The following TEAD1 variants were observed in gnomAD, a reference collection of about 807,000 sequenced individuals.
TEAD1 encodes transcriptional enhancer factor TEF-1.
TEAD1 carries 9 observed loss-of-function variants against 54.9 expected under a neutral mutation model. The observed-to-expected ratio is 0.16, with a 90% CI of 0.10 to 0.29. TEAD1 has a LOEUF of 0.29. Among genes scored for constraint, TEAD1 ranks in the 10% least tolerant of loss-of-function variants. TEAD1 has a pLI of 1.00. For synonymous variants in TEAD1, 200 were observed against 187.8 expected (o/e 1.07, Z -0.53); for missense variants, 387 against 535.9 (o/e 0.72, Z 2.74).
chr11:12,944,091 C>T lies in TEAD1; in HGVS notation c.*6869C>T, dbSNP rs2134184148. 1 of 152,654 alleles carries T rather than the reference C, an allele frequency of 6.6e-6. No homozygotes were observed. Among genetic ancestry groups the T allele is most frequent in the African/African-American group, 2.4e-5 (1 of 41,528 alleles). 9.5% of individuals were successfully genotyped at this position (152,654 alleles called of 1,614,324 possible). ...TTAATGGGATTCTCACGGTCTGTGT[C>T]TTTGTGTCACGTGTATAAAATGGGC... On this transcript the variant is annotated 3_prime_UTR_variant, in exon 13 of 13. Transcript: ENST00000527636.
intron 2 of TEAD1, among the ~76,000 whole-genome samples, chr11:12,729,945 G>A (rs1189237240): frequency 2.0e-5 from 3 of 152,204 alleles, no homozygotes; most frequent in African/African-American, 2.4e-5. Flanking sequence ...GATTCACAGC[G>A]CAGCATATTA....
intron 3 of TEAD1, among the ~76,000 whole-genome samples, chr11:12,776,560 G>A (rs185468725): frequency 7.2e-5 from 11 of 152,088 alleles, no homozygotes; most frequent in Admixed American, 6.5e-4. Flanking sequence ...ACTTTACAGT[G>A]TGCTACAGAT....
chr11:12,890,010 C>T (rs1253342467), intron 9 of TEAD1, among the ~76,000 whole-genome samples: 1 of 152,152 alleles, frequency 6.6e-6, no homozygotes, highest in East Asian at 1.9e-4. Flanking sequence ...GTGTGAGCCA[C>T]CGTGCCCAGC....
intron 3 of TEAD1, among the ~76,000 whole-genome samples, chr11:12,814,550 G>GCT (rs1946374494): frequency 6.6e-6 from 1 of 152,156 alleles, no homozygotes; most frequent in South Asian, 2.1e-4. Flanking sequence ...GGTTGCCAGG[G>GCT]CTCTGCCTAG....
At chr11:12,848,471 C>G (rs1947201700) in intron 3 of TEAD1, among the ~76,000 whole-genome samples, 2 of 152,148 alleles carry the variant, frequency 1.3e-5, no homozygotes, top group Admixed American at 6.6e-5. Context: ...AACAGTTGGT[C>G]TAATGTTAAG....
chr11:12,860,807 A>C (rs936704031), intron 3 of TEAD1, among the ~76,000 whole-genome samples: 1 of 152,244 alleles, frequency 6.6e-6, no homozygotes, highest in African/African-American at 2.4e-5. Flanking sequence ...GTTTGGGTAC[A>C]TCCTAGGAAG....
rs72197869 is a variant in TEAD1, at chr11:12,723,831, TAGAA to T, written c.-54-40345_-54-40342del. 7.8e-3 allele frequency among the ~76,000 whole-genome samples: 1,187 copies of T among 152,326 alleles called. 4 individuals carry two copies. Among genetic ancestry groups the T allele is most frequent in the Non-Finnish European group, 0.013 (870 of 68,030 alleles). ...AAAGCAAACGTCTCCCACGAAATCTTAGAAAGGTGTGTTTGAGGGTGTAATCTTG... is the reference window on the plus strand; with the variant it reads ...AAAGCAAACGTCTCCCACGAAATCTTAGGTGTGTTTGAGGGTGTAATCTTG... On this transcript the variant is annotated intron_variant, in intron 2 of 12. Transcript: ENST00000527636.
chr11:12,911,395 A>G (rs1948615110), intron 10 of TEAD1, among the ~76,000 whole-genome samples: 1 of 152,196 alleles, frequency 6.6e-6, no homozygotes, highest in African/African-American at 2.4e-5. Context: ...TTTGGAACCA[A>G]ACGTCCTGTT....
intron 3 of TEAD1, among the ~76,000 whole-genome samples, chr11:12,798,350 C>T (rs1945980446): frequency 6.6e-6 from 1 of 152,160 alleles, no homozygotes; most frequent in Non-Finnish European, 1.5e-5. Context: ...TCTTTTCTAA[C>T]ATCTTTTCAT....
intron 3 of TEAD1, among the ~76,000 whole-genome samples, chr11:12,796,423 T>A (rs1282856375): frequency 1.3e-5 from 2 of 152,216 alleles, no homozygotes; most frequent in Non-Finnish European, 2.9e-5. Context: ...CACAGATGCT[T>A]ACGATGTTTA....
At chr11:12,886,732 G>A (rs945261224) in intron 9 of TEAD1, among the ~76,000 whole-genome samples, 1 of 151,890 alleles carries the variant, frequency 6.6e-6, no homozygotes, top group Non-Finnish European at 1.5e-5. Context: ...CTGGGCTGAA[G>A]TGATCCTCAT....
At chr11:12,696,224 G>A (rs1005493664) in intron 2 of TEAD1, among the ~76,000 whole-genome samples, 1 of 152,128 alleles carries the variant, frequency 6.6e-6, no homozygotes, top group African/African-American at 2.4e-5. Context: ...TTTTTGTTTC[G>A]TAATTGTGTT....
chr11:12,706,547 A>G (rs1232446472), intron 2 of TEAD1, among the ~76,000 whole-genome samples: 1 of 152,226 alleles, frequency 6.6e-6, no homozygotes, highest in East Asian at 1.9e-4. Flanking sequence ...TTGTGGTTAT[A>G]TATAAGGTTT....
chr11:12,716,560 G>A (rs559008551), intron 2 of TEAD1, among the ~76,000 whole-genome samples: 1 of 152,262 alleles, frequency 6.6e-6, no homozygotes, highest in African/African-American at 2.4e-5. Context: ...ACTTTTTCTG[G>A]TATAGGTCAG....
intron 3 of TEAD1, among the ~76,000 whole-genome samples, chr11:12,852,694 C>T (rs993367135): frequency 6.6e-5 from 10 of 152,056 alleles, no homozygotes; most frequent in African/African-American, 2.2e-4. Flanking sequence ...GTGACCCACC[C>T]GCCTTGGCCT....
chr11:12,715,975 A>G (rs948526524), intron 2 of TEAD1, among the ~76,000 whole-genome samples: 24 of 152,026 alleles, frequency 1.6e-4, no homozygotes, highest in African/African-American at 5.3e-4. Flanking sequence ...TACAGTAAAA[A>G]TCTTGGCCAA....
chr11:12,926,279 C>T (rs1239115707), intron 11 of TEAD1, among the ~76,000 whole-genome samples: 1 of 152,066 alleles, frequency 6.6e-6, no homozygotes, highest in Non-Finnish European at 1.5e-5. Context: ...GCACAAGCCC[C>T]CTGAGCAATG....
At chr11:12,779,827 A>T (rs1176680834) in intron 3 of TEAD1, among the ~76,000 whole-genome samples, 1 of 152,238 alleles carries the variant, frequency 6.6e-6, no homozygotes, top group Non-Finnish European at 1.5e-5. Flanking sequence ...AGAAAAAACC[A>T]CATTTTTATC....
chr11:12,853,914 T>C lies in TEAD1; in HGVS notation c.203-8336T>C, dbSNP rs1017211021. On this transcript the variant is annotated intron_variant, in intron 3 of 12. Coordinates refer to ENST00000527636, the MANE Select transcript of TEAD1 (RefSeq NM_021961.6). ...GAGTAACCAGGAGTTAACACAGCCT[T>C]TCTCTGTATGTTCTTTCTCTGAAAG... Among the ~76,000 whole-genome samples the C allele has an allele frequency of 2.6e-5, 4 of 152,152 alleles. No individual in the cohort carries two copies. In the South Asian group the frequency reaches 6.2e-4, roughly 24 times the overall value.
Sources: allele counts gnomAD v4.1 joint callset (sites outside exome capture counted in the v4.1 genomes callset), GRCh38; gene constraint gnomAD v4.1.1; transcripts MANE v1.5; gene names NCBI Gene and HGNC (gene_info 2026-07-23, HGNC 2026-07-21).